Variants in NSD1 observed in about 807,000 individuals in gnomAD.
The protein encoded by NSD1 is histone-lysine N-methyltransferase, H3 lysine-36 specific.
In NSD1, 26 loss-of-function variants were observed where a neutral mutation model predicts 242.7. The observed-to-expected ratio is 0.11, with a 90% CI of 0.08 to 0.15. The LOEUF (loss-of-function observed/expected upper bound fraction) is 0.15, where lower values mean the gene tolerates loss of function less well. Among genes scored for constraint, NSD1 ranks in the 10% least tolerant of loss-of-function variants. The pLI, the probability that NSD1 is intolerant of heterozygous loss-of-function variation, is 1.00. For missense variants in NSD1, 2,495 were observed against 3,272.8 expected (o/e 0.76, Z 5.80); for synonymous variants, 1,106 against 1,178.1 (o/e 0.94, Z 1.25).
chr5:177,257,840 TTA>T (rs1163911982), intron 13 of NSD1, among the ~76,000 whole-genome samples: 6 of 150,388 alleles, frequency 4.0e-5, no homozygotes, highest in African/African-American at 7.3e-5. Context: ...TTATTTTATT[TTA>T]TTTTTTTTTG....
rs1004671272 is a variant in NSD1, at chr5:177,251,599, C to A, written c.4642-131C>A. 1.1e-5 allele frequency: 9 copies of A among 826,898 alleles called. No individual in the cohort carries two copies. In the African/African-American group the frequency reaches 1.5e-4, roughly 14 times the overall value. The allele number at this position is 826,898 out of a possible 1,614,324, so 51.2% of individuals were successfully genotyped here. A position where few individuals can be genotyped will look rare whatever the true frequency, so the allele number is the denominator to read the frequency against. On this transcript the variant is annotated intron_variant, in intron 11 of 22. Transcript: ENST00000439151. ...GTAACTAGACTAAAATCTACAACTA[C>A]GGGCCCTTGCCTCTTTCTCACCTCC...
At chr5:177,264,000 TAGA>T (rs1415194489) in intron 14 of NSD1, among the ~76,000 whole-genome samples, 4 of 150,048 alleles carry the variant, frequency 2.7e-5, no homozygotes, top group African/African-American at 7.3e-5. Flanking sequence ...ATAGGCCATT[TAGA>T]AGATGCATAT....
intron 5 of NSD1, among the ~76,000 whole-genome samples, chr5:177,221,366 A>G (rs1038286126): frequency 2.7e-5 from 4 of 149,750 alleles, no homozygotes; most frequent in African/African-American, 9.9e-5. Flanking sequence ...TTCAATAGGC[A>G]TTTTCCATGT....
chr5:177,289,893 T>C (rs1036666912), intron 21 of NSD1, among the ~76,000 whole-genome samples: 16 of 151,480 alleles, frequency 1.1e-4, no homozygotes, highest in Middle Eastern at 3.4e-3. Flanking sequence ...AGTGGCGCAA[T>C]CTCGGCTCAC....
Position 177,135,467 on chromosome 5 carries a change from A to G in NSD1, c.364A>G (p.Thr122Ala), listed in dbSNP as rs763871310. ...VCTSLSPGGPTALAMKQEPSC... is the reference protein window; with the variant it reads ...VCTSLSPGGPAALAMKQEPSC... ...CACTTCCTTGAGTCCTGGTGGTCCT[A>G]CAGCACTTGCTATGAAACAGGAACC... The change falls in exon 2 of 23, where the codon ACA becomes GCA. Residue 122 changes from threonine to alanine, a missense_variant. Around this residue, in one of 19 missense-constraint regions of NSD1, gnomAD observed 376 missense variants for 367.4 expected, o/e 1.02. Coordinates refer to ENST00000439151, the MANE Select transcript of NSD1 (RefSeq NM_022455.5). The G allele has an allele frequency of 4.3e-5, 69 of 1,614,110 alleles. No homozygotes were observed. The highest frequency in any genetic ancestry group is 5.8e-5 in the Non-Finnish European group (68 of 1,180,052).
At chr5:177,213,627 C>G (rs1763533581) in intron 5 of NSD1, among the ~76,000 whole-genome samples, 1 of 152,196 alleles carries the variant, frequency 6.6e-6, no homozygotes, top group Non-Finnish European at 1.5e-5. Context: ...GCCACCACAC[C>G]CAGCTAATTT....
At chr5:177,267,497 A>G in intron 14 of NSD1, 65 bp from the exon 15 acceptor site, 1 of 1,299,938 alleles carries the variant, frequency 7.7e-7, no homozygotes, top group Non-Finnish European at 1.1e-6. Context: ...ATATATGTGT[A>G]TGGATGTACA....
intron 5 of NSD1, among the ~76,000 whole-genome samples, chr5:177,216,763 C>A (rs940183909): frequency 6.6e-6 from 1 of 150,486 alleles, no homozygotes; most frequent in African/African-American, 2.4e-5. Flanking sequence ...CTCAAGTGAT[C>A]CTCCTGCCTC....
At chr5:177,176,188 T>C (rs1007748560) in intron 2 of NSD1, among the ~76,000 whole-genome samples, 3 of 152,084 alleles carry the variant, frequency 2.0e-5, no homozygotes, top group East Asian at 1.9e-4. Flanking sequence ...ATTGCAAAAA[T>C]CGTAACATTT....
chr5:177,175,595 C>T (rs1184580288), intron 2 of NSD1, among the ~76,000 whole-genome samples: 1 of 152,012 alleles, frequency 6.6e-6, no homozygotes, highest in African/African-American at 2.4e-5. Context: ...GGCCACAGCA[C>T]ATTAGCCTGA....
At chr5:177,228,091 C>T (rs1434826037) in intron 5 of NSD1, among the ~76,000 whole-genome samples, 6 of 151,924 alleles carry the variant, frequency 3.9e-5, no homozygotes, top group Non-Finnish European at 4.4e-5. Flanking sequence ...AGTAGTCTCC[C>T]TTTATCTAGA....
intron 13 of NSD1, among the ~76,000 whole-genome samples, chr5:177,258,835 A>G (rs1321990826): frequency 6.6e-6 from 1 of 151,790 alleles, no homozygotes; most frequent in Non-Finnish European, 1.5e-5. Flanking sequence ...TGCACCCAGC[A>G]TGTGTTTTTT....
chr5:177,231,454 A>G (rs1180791659), intron 5 of NSD1, among the ~76,000 whole-genome samples: 2 of 152,112 alleles, frequency 1.3e-5, no homozygotes, highest in Non-Finnish European at 2.9e-5. Context: ...CAAGGTTATT[A>G]TTATTTTTTG....
chr5:177,270,466 T>A (rs1452401751), intron 16 of NSD1, among the ~76,000 whole-genome samples: 1 of 152,206 alleles, frequency 6.6e-6, no homozygotes, highest in African/African-American at 2.4e-5. Flanking sequence ...GGTATCCCCT[T>A]AGTGGTAATT....
chr5:177,141,388 T>TG (rs1291375154), intron 2 of NSD1, among the ~76,000 whole-genome samples: 1 of 140,738 alleles, frequency 7.1e-6, no homozygotes, highest in Admixed American at 7.6e-5. Context: ...TGGAGTGCAG[T>TG]GGTGTGACCT....
Position 177,135,495 on chromosome 5 carries a change from C to G in NSD1, c.392C>G (p.Ser131Cys). The change falls in exon 2 of 23, where the codon TCT becomes TGT. Residue 131 changes from serine (S) to cysteine (C), a missense_variant. Physicochemically the swap from Ser to Cys is moderately radical, Grantham distance 112 (BLOSUM62 -1). Around this residue, in one of 19 missense-constraint regions of NSD1, gnomAD observed 376 missense variants for 367.4 expected, o/e 1.02. Coordinates refer to ENST00000439151, the MANE Select transcript of NSD1 (RefSeq NM_022455.5). ...GCACTTGCTATGAAACAGGAACCCT[C>G]TTGTAATAACTCCCCTGAACTCCAG... The part of the protein sequence containing the change: ...PTALAMKQEP[S>C]CNNSPELQVK... The G allele has an allele frequency of 6.2e-7, 1 of 1,614,220 alleles. No homozygotes were observed. The highest frequency in any genetic ancestry group is 8.5e-7 in the Non-Finnish European group (1 of 1,180,046).
chr5:177,251,180 A>G (rs1183418643), intron 11 of NSD1, among the ~76,000 whole-genome samples: 1 of 148,142 alleles, frequency 6.8e-6, no homozygotes, highest in Non-Finnish European at 1.5e-5. Flanking sequence ...ACAGAGCAAG[A>G]CTTCCTCTCA....
At position 177,211,079 on chromosome 5, in the gene NSD1, T is replaced by G; in HGVS notation, c.2680T>G (p.Ser894Ala). ...PSKPLLFSSA[S>A]SQNHIPIEPD... Reference sequence around the variant, plus strand: ...AAAACCATTACTTTTCTCTTCTGCTTCTAGTCAGAATCACATACCTATTGA... The same window carrying G: ...AAAACCATTACTTTTCTCTTCTGCTGCTAGTCAGAATCACATACCTATTGA... The change falls in exon 5 of 23, where the codon TCT (serine) becomes GCT (alanine). Residue 894 changes from serine (S) to alanine (A), a missense_variant. Physicochemically the swap from Ser to Ala is moderately conservative, Grantham distance 99 (BLOSUM62 1). Around this residue, in one of 19 missense-constraint regions of NSD1, gnomAD observed 121 missense variants for 167.2 expected, o/e 0.72. Coordinates refer to ENST00000439151, the MANE Select transcript of NSD1 (RefSeq NM_022455.5). 1 of 1,614,210 alleles carries G rather than the reference T, an allele frequency of 6.2e-7. No homozygotes were observed. The highest frequency in any genetic ancestry group is 8.5e-7 in the Non-Finnish European group (1 of 1,180,028).
intron 2 of NSD1, among the ~76,000 whole-genome samples, chr5:177,158,998 T>TTATATATATATATATATGAATGAGATATA (rs1183569859): frequency 9.8e-5 from 12 of 122,596 alleles, no homozygotes; most frequent in African/African-American, 4.6e-4. Context: ...ATGAATGATT[T>TTATATATATATATATATGAATGAGATATA]TATATATATA....
Sources: gnomAD v4.1 joint callset for allele counts (sites outside exome capture counted in the v4.1 genomes callset) on GRCh38, gnomAD v4.1.1 for gene constraint, gnomAD v4.1.1 regional missense constraint, MANE v1.5 for transcripts, NCBI Gene and HGNC (gene_info 2026-07-23, HGNC 2026-07-21) for gene names.